Variants in ASXL1 observed in about 807,000 individuals in gnomAD.
ASXL1 encodes the protein ASXL transcriptional regulator 1.
In ASXL1, 65 loss-of-function variants were observed where a neutral mutation model predicts 89.1. The observed-to-expected ratio is 0.73, with a 90% CI of 0.60 to 0.90. The LOEUF (loss-of-function observed/expected upper bound fraction) is 0.90. Among genes scored for constraint, ASXL1 ranks in the 40% least tolerant of loss-of-function variants. The pLI is 0.00. For synonymous variants in ASXL1, 739 were observed against 746.9 expected, an observed-to-expected ratio of 0.99 and a Z score of 0.17; for missense variants, 1,786 against 1,942.9, an observed-to-expected ratio of 0.92 and a Z score of 1.52.
intron 4 of ASXL1, among the ~76,000 whole-genome samples, chr20:32,388,331 T>C (rs1221282927): frequency 6.6e-6 from 1 of 152,080 alleles, no homozygotes; most frequent in Non-Finnish European, 1.5e-5. Context: ...TGCACCACCA[T>C]GCCTGGCTAA....
At position 32,435,309 on chromosome 20, in the gene ASXL1, T is replaced by G; in HGVS notation, c.2597T>G (p.Leu866Ter). The G allele has an allele frequency of 6.2e-7, 1 of 1,614,180 alleles. No individual in the cohort carries two copies. The highest frequency in any genetic ancestry group is 8.5e-7 in the Non-Finnish European group (1 of 1,180,012). The change falls in exon 13 of 13, where the codon TTA becomes TGA. Residue 866 changes from leucine to a stop codon, truncating the protein, a stop_gained. Transcript: ENST00000375687. LOFTEE classifies it low-confidence loss of function (END_TRUNC). Reference protein sequence around the residue: ...CLQNRAFDDELGLGGSCPPMR... With the variant: ...CLQNRAFDDE ...CAGAACAGAGCATTTGATGACGAAT[T>G]AGGGCTTGGTGGCTCATGCCCTCCT...
chr20:32,435,828 A>G lies in ASXL1; in HGVS notation c.3116A>G (p.Gln1039Arg). ...VDKDEKPNWN[Q>R]SAPLSKVNGD... Reference sequence around the variant, plus strand: ...AAGGATGAGAAACCCAATTGGAACCAATCTGCCCCACTGTCCAAGGTGAAT... The same window carrying G: ...AAGGATGAGAAACCCAATTGGAACCGATCTGCCCCACTGTCCAAGGTGAAT... The change falls in exon 13 of 13, where the codon CAA (glutamine) becomes CGA (arginine). Residue 1039 changes from glutamine (Q) to arginine (R), a missense_variant. Gln to Arg is a conservative substitution (Grantham distance 43, BLOSUM62 1). This residue lies in a region of ASXL1 where 1,418 missense variants were observed against 1,427.8 expected (regional missense o/e 0.99). Transcript: ENST00000375687. 1.2e-6 allele frequency: 2 copies of G among 1,614,172 alleles called. No individual in the cohort carries two copies. Among genetic ancestry groups the G allele is most frequent in the Admixed American group, 1.7e-5 (1 of 60,022 alleles).
intron 10 of ASXL1, among the ~76,000 whole-genome samples, chr20:32,432,078 G>A (rs886861720): frequency 6.6e-6 from 1 of 152,140 alleles, no homozygotes; most frequent in Non-Finnish European, 1.5e-5. Flanking sequence ...TTAATTTTGT[G>A]GGGAAAGTGT....
intron 4 of ASXL1, among the ~76,000 whole-genome samples, chr20:32,402,673 C>T (rs985443325): frequency 6.6e-6 from 1 of 152,144 alleles, no homozygotes; most frequent in Non-Finnish European, 1.5e-5. Context: ...ATAGTAGTAT[C>T]TCATGCCTTA....
intron 4 of ASXL1, among the ~76,000 whole-genome samples, chr20:32,391,053 A>G (rs1285885198): frequency 1.3e-5 from 2 of 151,302 alleles, no homozygotes; most frequent in East Asian, 1.9e-4. Context: ...ATGTTCAGCT[A>G]ATTTTTTTTT....
chr20:32,434,255 T>A, intron 12 of ASXL1, 177 bp from the exon 13 acceptor site: 1 of 845,890 alleles, frequency 1.2e-6, no homozygotes, highest in Non-Finnish European at 1.9e-6. Context: ...TTGAGCAGAA[T>A]CTTCTCTGAA....
chr20:32,359,517 C>T (rs1478472505), intron 1 of ASXL1: 5 of 646,580 alleles, frequency 7.7e-6, no homozygotes, highest in African/African-American at 3.6e-5. Context: ...TCACCAGCTT[C>T]CCAGGTGATT....
In ASXL1 at chr20:32,411,215, C is replaced by CTTTTTTTTT. The variant is rs71187118; in HGVS notation, c.253-16895_253-16887dup. 7.9e-4 allele frequency among the ~76,000 whole-genome samples: 42 copies of CTTTTTTTTT among 53,440 alleles called. 9 individuals are homozygous for CTTTTTTTTT. Among genetic ancestry groups the CTTTTTTTTT allele is most frequent in the South Asian group, 1.1e-3 (1 of 916 alleles). The allele number at this position is 53,440 out of a possible 152,430, so 35.1% of individuals were successfully genotyped here. ...TTTATTCGTTGTGAATTTATGGATT[C>CTTTTTTTTT]TTTTTTTTTTTTTTTTTTTTTTTTT... On this transcript the variant is annotated intron_variant, in intron 4 of 12. Coordinates refer to ENST00000375687, the MANE Select transcript of ASXL1 (RefSeq NM_015338.6).
Position 32,437,991 on chromosome 20 carries a change from C to T in ASXL1, c.*653C>T, listed in dbSNP as rs1369036956. 1.3e-5 allele frequency: 3 copies of T among 234,646 alleles called. No homozygotes were observed. The highest frequency in any genetic ancestry group is 4.4e-5 in the African/African-American group (2 of 45,314). 14.5% of individuals were successfully genotyped at this position (234,646 alleles called of 1,614,324 possible). On this transcript the variant is annotated 3_prime_UTR_variant, in exon 13 of 13. Coordinates refer to ENST00000375687, the MANE Select transcript of ASXL1 (RefSeq NM_015338.6). ...TCATTTGGAACCTTGAATAGCTCTG[C>T]TTGGACAATGGGGTTGGGGAATAGG...
intron 4 of ASXL1, among the ~76,000 whole-genome samples, chr20:32,411,297 G>A (rs1258152386): frequency 2.4e-5 from 3 of 126,908 alleles, no homozygotes; most frequent in Non-Finnish European, 3.2e-5. Flanking sequence ...GCACAATCTC[G>A]GCTCACTGCA....
Position 32,433,545 on chromosome 20 carries a change from C to G in ASXL1, c.1347C>G (p.Tyr449Ter), listed in dbSNP as rs2011601619. The change falls in exon 12 of 13, where the codon TAC (tyrosine) becomes TAG (stop). Residue 449 changes from tyrosine (Y) to a stop codon, truncating the protein, a stop_gained. Coordinates refer to ENST00000375687, the MANE Select transcript of ASXL1 (RefSeq NM_015338.6). LOFTEE classifies it high-confidence loss of function. The stretch of plus-strand genomic sequence containing the variant: ...CTGTGGCCTCAGATGTTCCCCTCTA[C>G]AAGGATGGGGAGGCTAAGACTGACC... ...AKSVASDVPL[Y>*]KDGEAKTDPA... 1 of 1,614,184 alleles carries G rather than the reference C, an allele frequency of 6.2e-7. No individual in the cohort carries two copies. Among genetic ancestry groups the G allele is most frequent in the Non-Finnish European group, 8.5e-7 (1 of 1,180,028 alleles).
At chr20:32,412,672 G>GTCAGCC (rs1479708478) in intron 4 of ASXL1, among the ~76,000 whole-genome samples, 1 of 146,086 alleles carries the variant, frequency 6.8e-6, no homozygotes, top group Admixed American at 7.0e-5. Context: ...CGTAGCTCAC[G>GTCAGCC]TCAGCCTCCC....
rs2145385499 is a variant in ASXL1, at chr20:32,436,386, A to G, written c.3674A>G (p.Lys1225Arg). The G allele has an allele frequency of 2.5e-6, 4 of 1,613,784 alleles. No individual in the cohort carries two copies. Among genetic ancestry groups the G allele is most frequent in the Non-Finnish European group, 3.4e-6 (4 of 1,180,044 alleles). ...PVTNPITSSR[K>R]LEEMDSKEQF... The stretch of plus-strand genomic sequence containing the variant: ...ACAAATCCCATTACATCCTCTAGGA[A>G]ACTGGAAGAAATGGATTCCAAAGAG... The change falls in exon 13 of 13, where the codon AAA (lysine) becomes AGA (arginine). Residue 1225 changes from lysine to arginine, a missense_variant. By Grantham distance (26) the Lys-to-Arg change is conservative. Coordinates refer to ENST00000375687, the MANE Select transcript of ASXL1 (RefSeq NM_015338.6).
intron 4 of ASXL1, among the ~76,000 whole-genome samples, chr20:32,385,520 A>C (rs1395735845): frequency 1.3e-5 from 2 of 152,162 alleles, no homozygotes; most frequent in African/African-American, 4.8e-5. Flanking sequence ...GCATTAGCTA[A>C]TTATTTTGTT....
At chr20:32,387,577 A>G (rs979631218) in intron 4 of ASXL1, among the ~76,000 whole-genome samples, 1 of 152,084 alleles carries the variant, frequency 6.6e-6, no homozygotes, top group Admixed American at 6.5e-5. Context: ...AATAATCCCC[A>G]TGTTTTCCAC....
rs1569328496 is a variant in ASXL1, at chr20:32,434,637, G to A, written c.1925G>A (p.Gly642Glu). Residue 642 changes from glycine to glutamate, a missense_variant, in exon 13 of 13, where the codon GGA becomes GAA. Physicochemically the swap from Gly to Glu is moderately conservative, Grantham distance 98. Coordinates refer to ENST00000375687, the MANE Select transcript of ASXL1 (RefSeq NM_015338.6). Reference protein sequence around the residue: ...CHREAATTAIGGGGGPGGGGG... With the variant: ...CHREAATTAIEGGGGPGGGGG... ...AGAGAGGCGGCCACCACTGCCATCG[G>A]AGGGGGGGGTGGCCCGGGTGGAGGT... 1.9e-6 allele frequency: 3 copies of A among 1,607,892 alleles called. No homozygotes were observed. Among genetic ancestry groups the A allele is most frequent in the Non-Finnish European group, 2.5e-6 (3 of 1,177,022 alleles).
At chr20:32,411,208 A>T (rs2049038730) in intron 4 of ASXL1, among the ~76,000 whole-genome samples, 4 of 96,572 alleles carry the variant, frequency 4.1e-5, no homozygotes, top group African/African-American at 1.1e-4. Context: ...TTGTGAATTT[A>T]TGGATTCTTT....
At chr20:32,413,494 A>G (rs533991036) in intron 4 of ASXL1, among the ~76,000 whole-genome samples, 28 of 152,108 alleles carry the variant, frequency 1.8e-4, no homozygotes, top group Non-Finnish European at 3.2e-4. Flanking sequence ...ACCCAGTGCT[A>G]TTAACAGCTG....
chr20:32,398,957 G>A (rs2048820356), intron 4 of ASXL1, among the ~76,000 whole-genome samples: 1 of 151,630 alleles, frequency 6.6e-6, no homozygotes, highest in Non-Finnish European at 1.5e-5. Context: ...ATAAGGTTGG[G>A]CCAGGGGTGG....
Sources: gnomAD v4.1 joint callset for allele counts (sites outside exome capture counted in the v4.1 genomes callset) on GRCh38, gnomAD v4.1.1 for gene constraint, gnomAD v4.1.1 regional missense constraint, MANE v1.5 for transcripts, NCBI Gene and HGNC (gene_info 2026-07-23, HGNC 2026-07-21) for gene names.